The following ERICH6B variants were observed in gnomAD, a reference collection of about 807,000 sequenced individuals.
The protein encoded by ERICH6B is glutamate-rich protein 6B.
A neutral mutation model predicts 80.0 loss-of-function variants in ERICH6B; 69 were observed. The ratio of observed to expected loss-of-function variants is 0.86; its 90% CI spans 0.71 to 1.05. The LOEUF (loss-of-function observed/expected upper bound fraction) is 1.05. Ranked by LOEUF, ERICH6B falls within the 50% of genes least tolerant of loss-of-function variation. ERICH6B has a pLI of 0.00. For missense variants in ERICH6B, 754 were observed against 796.1 expected (o/e 0.95, Z 0.64); for synonymous variants, 283 against 291.9 (o/e 0.97, Z 0.31).
chr13:45,589,169 T>C (rs1470410544), intron 4 of ERICH6B, among the ~76,000 whole-genome samples: 4 of 152,130 alleles, frequency 2.6e-5, no homozygotes, highest in African/African-American at 9.7e-5. Context: ...CTCAGCTTTC[T>C]CATGTAAAGA....
intron 10 of ERICH6B, among the ~76,000 whole-genome samples, 161 bp from the exon 11 acceptor site, chr13:45,561,687 G>T (rs1874688972): frequency 6.6e-6 from 1 of 152,158 alleles, no homozygotes; most frequent in African/African-American, 2.4e-5. Context: ...GAAGATTAAG[G>T]CCTTTGAAGA....
chr13:45,546,555 C>T (rs562037464), intron 13 of ERICH6B, among the ~76,000 whole-genome samples: 1 of 152,354 alleles, frequency 6.6e-6, no homozygotes, highest in African/African-American at 2.4e-5. Flanking sequence ...GCTCCCTACA[C>T]ATTCCTTCCA....
chr13:45,596,750 G>C lies in ERICH6B; in HGVS notation c.256C>G (p.Leu86Val). 1 of 1,551,562 alleles carries C rather than the reference G, an allele frequency of 6.4e-7. No individual in the cohort carries two copies. The highest frequency in any genetic ancestry group is 1.2e-5 in the South Asian group (1 of 84,046). Residue 86 changes from leucine (L) to valine (V), a missense_variant, in exon 3 of 15, where the codon CTG becomes GTG. Transcript: ENST00000298738. ...KEEYLKEEEY[L>V]GKEEHLEEEE... Reference sequence around the variant, plus strand: ...TCCTCCAGATGCTCTTCCTTCCCCAGATACTCTTCCTCCTTCAAGTATTCT... The same window carrying C: ...TCCTCCAGATGCTCTTCCTTCCCCACATACTCTTCCTCCTTCAAGTATTCT...
chr13:45,573,104 T>A (rs1355077447), intron 8 of ERICH6B, among the ~76,000 whole-genome samples: 3 of 152,034 alleles, frequency 2.0e-5, no homozygotes, highest in Admixed American at 6.6e-5. Flanking sequence ...ATTCTTTACA[T>A]ACACTTGCAT....
At chr13:45,604,493 A>G (rs987243692) in intron 2 of ERICH6B, among the ~76,000 whole-genome samples, 2 of 152,192 alleles carry the variant, frequency 1.3e-5, no homozygotes, top group African/African-American at 4.8e-5. Context: ...CCCTCACAGC[A>G]AGCCCTGATG....
At chr13:45,590,799 A>G in intron 3 of ERICH6B, 102 bp from the exon 4 acceptor site, 2 of 948,696 alleles carry the variant, frequency 2.1e-6, no homozygotes, top group Non-Finnish European at 3.1e-6. Context: ...TAGTTATAGA[A>G]ATTTTCTATT....
chr13:45,556,643 G>A (rs983297111), intron 11 of ERICH6B, among the ~76,000 whole-genome samples: 13 of 152,158 alleles, frequency 8.5e-5, no homozygotes, highest in Admixed American at 5.2e-4. Context: ...GAGTGAGAAC[G>A]TATGATGCTT....
Position 45,541,402 on chromosome 13 carries a change from T to C in ERICH6B, c.*60A>G. 2 of 1,453,468 alleles carry C rather than the reference T, an allele frequency of 1.4e-6. No individual in the cohort carries two copies. The highest frequency in any genetic ancestry group is 1.9e-6 in the Non-Finnish European group (2 of 1,070,556). The allele number at this position is 1,453,468 out of a possible 1,614,324, so 90.0% of individuals were successfully genotyped here. On this transcript the variant is annotated 3_prime_UTR_variant, in exon 15 of 15. Coordinates refer to ENST00000298738, the MANE Select transcript of ERICH6B (RefSeq NM_182542.3). Reference sequence around the variant, plus strand: ...AACAGGTCTTTGGGTTTTTTTTCCCTGGAGCTCCCAAGGTCTCCAACTTCC... The same window carrying C: ...AACAGGTCTTTGGGTTTTTTTTCCCCGGAGCTCCCAAGGTCTCCAACTTCC...
intron 11 of ERICH6B, among the ~76,000 whole-genome samples, chr13:45,552,363 C>T (rs1420329971): frequency 3.9e-5 from 6 of 152,098 alleles, no homozygotes; most frequent in Admixed American, 3.9e-4. Context: ...CCTCAGCACA[C>T]ACACCTGGCT....
chr13:45,603,955 G>A (rs893930117), intron 2 of ERICH6B, among the ~76,000 whole-genome samples: 1 of 152,236 alleles, frequency 6.6e-6, no homozygotes, highest in African/African-American at 2.4e-5. Context: ...TTGAGTGAAT[G>A]TGTGAATACA....
At chr13:45,563,603 T>A in intron 10 of ERICH6B, 124 bp downstream of exon 10, 2 of 884,716 alleles carry the variant, frequency 2.3e-6, no homozygotes, top group South Asian at 2.9e-5. Flanking sequence ...ACATCAGCCC[T>A]GTAGGCACTG....
intron 2 of ERICH6B, among the ~76,000 whole-genome samples, 177 bp downstream of exon 2, chr13:45,607,387 A>G (rs1949874219): frequency 6.6e-6 from 1 of 152,260 alleles, no homozygotes; most frequent in African/African-American, 2.4e-5. Flanking sequence ...TGCATTGAAA[A>G]TGCTGTTTCT....
chr13:45,589,988 A>C (rs930265519), intron 4 of ERICH6B, among the ~76,000 whole-genome samples: 8 of 152,148 alleles, frequency 5.3e-5, no homozygotes, highest in African/African-American at 1.9e-4. Flanking sequence ...CTACTTGGCA[A>C]AACTGGGATT....
At chr13:45,602,522 G>C (rs958315882) in intron 2 of ERICH6B, among the ~76,000 whole-genome samples, 1 of 152,172 alleles carries the variant, frequency 6.6e-6, no homozygotes, top group Admixed American at 6.5e-5. Flanking sequence ...CCAGGATGAA[G>C]AGTTCTACAT....
chr13:45,569,603 A>G (rs1371924055), intron 8 of ERICH6B, among the ~76,000 whole-genome samples: 1 of 152,198 alleles, frequency 6.6e-6, no homozygotes, highest in African/African-American at 2.4e-5. Context: ...TTCTTTGCTT[A>G]CCAACAGGTT....
Position 45,541,658 on chromosome 13 carries a change from C to T in ERICH6B, c.1895G>A (p.Ser632Asn). 1.3e-6 allele frequency: 2 copies of T among 1,550,562 alleles called. No individual in the cohort carries two copies. The highest frequency in any genetic ancestry group is 1.7e-6 in the Non-Finnish European group (2 of 1,147,012). ...RYKFVIPEVL[S>N]EMKKKTILEA... ...CAGGATGGTTTTCTTCTTCATTTCG[C>T]TCAGCACCTCTGGGATCACAAACTG... Residue 632 changes from serine (S) to asparagine (N), a missense_variant, in exon 15 of 15, where the codon AGC becomes AAC. Physicochemically the swap from Ser to Asn is conservative, Grantham distance 46. Coordinates refer to ENST00000298738, the MANE Select transcript of ERICH6B (RefSeq NM_182542.3).
At chr13:45,573,740 G>A (rs1401981169) in intron 8 of ERICH6B, among the ~76,000 whole-genome samples, 1 of 152,176 alleles carries the variant, frequency 6.6e-6, no homozygotes. Flanking sequence ...CATGGAAGAT[G>A]TGTCTGTCAC....
rs564908175 is a variant in ERICH6B, at chr13:45,550,042, A to G, written c.1497T>C (p.Tyr499=). Residue 499 remains tyrosine, a synonymous_variant, in exon 13 of 15, where the codon TAT becomes TAC. Transcript: ENST00000298738. ...LFPDGTGQIH[Y]PSGNLAMLIL... The stretch of plus-strand genomic sequence containing the variant: ...TGAGCATAGCCAGGTTTCCTGATGG[A>G]TAACTGGGAGAAGGTTAAGGCACAA... 92 of 1,551,678 alleles carry G rather than the reference A, an allele frequency of 5.9e-5. No individual in the cohort carries two copies. The African/African-American group carries it at 1.2e-3, about 21-fold the overall frequency.
chr13:45,573,556 A>G (rs1471676558), intron 8 of ERICH6B, among the ~76,000 whole-genome samples: 2 of 152,212 alleles, frequency 1.3e-5, no homozygotes, highest in Non-Finnish European at 2.9e-5. Context: ...GAATCGAAGT[A>G]CTTAAAGAAA....
Sources: allele counts gnomAD v4.1 joint callset (sites outside exome capture counted in the v4.1 genomes callset), GRCh38; gene constraint gnomAD v4.1.1; transcripts MANE v1.5; gene names NCBI Gene and HGNC (gene_info 2026-07-23, HGNC 2026-07-21).